Variants in RGS6 observed in about 807,000 individuals in gnomAD.
RGS6 encodes regulator of G protein signaling 6.
In RGS6, 30 loss-of-function variants were observed where a neutral mutation model predicts 78.5. The ratio of observed to expected loss-of-function variants is 0.38; its 90% CI spans 0.29 to 0.52. The LOEUF is 0.52. Ranked by LOEUF, RGS6 falls within the 20% of genes least tolerant of loss-of-function variation. The pLI is 0.85. For missense variants in RGS6, 495 were observed against 609.7 expected, an observed-to-expected ratio of 0.81 and a Z score of 1.98; for synonymous variants, 206 against 206.0, an observed-to-expected ratio of 1.00 and a Z score of 0.00.
intron 2 of RGS6, among the ~76,000 whole-genome samples, chr14:72,219,010 A>G (rs966670801): frequency 1.6e-4 from 25 of 151,870 alleles, no homozygotes; most frequent in African/African-American, 4.6e-4. Flanking sequence ...GACTTTCTCT[A>G]TCAGGCACTT....
At chr14:71,875,128 G>C in the RGS6 span, among the ~76,000 whole-genome samples, 3 of 152,140 alleles carry the variant, frequency 2.0e-5, no homozygotes. Context: ...CTCTCTACCA[G>C]GCTTTGGTAT....
chr14:71,967,549 A>T (rs893459587), intron 2 of RGS6, among the ~76,000 whole-genome samples: 1 of 152,212 alleles, frequency 6.6e-6, no homozygotes, highest in African/African-American at 2.4e-5. Context: ...CAATTATTCA[A>T]AGTCATAGCC....
chr14:72,327,756 G>A (rs372086526), intron 2 of RGS6, among the ~76,000 whole-genome samples: 5 of 152,182 alleles, frequency 3.3e-5, no homozygotes, highest in East Asian at 1.9e-4. Context: ...CTTAGCAGCC[G>A]TTTGTCACTG....
intron 2 of RGS6, among the ~76,000 whole-genome samples, chr14:72,057,059 A>T (rs2093650810): frequency 6.6e-6 from 1 of 152,154 alleles, no homozygotes; most frequent in African/African-American, 2.4e-5. Context: ...CCGACTTGTA[A>T]TCCAAGCACT....
intron 2 of RGS6, among the ~76,000 whole-genome samples, chr14:72,253,714 T>C (rs116148287): frequency 8.9e-4 from 135 of 152,220 alleles, no homozygotes; most frequent in African/African-American, 3.2e-3. Flanking sequence ...TTTAAAGAAG[T>C]GGTGTAAGTG....
chr14:72,455,396 A>T (rs2095605443), intron 4 of RGS6, among the ~76,000 whole-genome samples: 1 of 152,108 alleles, frequency 6.6e-6, no homozygotes, highest in Admixed American at 6.5e-5. Context: ...CTTTTTGAAG[A>T]TTTTTTTGAA....
rs1349751008 is a variant in RGS6 at position 72,395,330 on chromosome 14, G to A, written c.184+43136G>A. ...ATTATGTAGGCATATATATGTGTGTGTATATACATATATATGGATACATCC... is the reference window on the plus strand; with the variant it reads ...ATTATGTAGGCATATATATGTGTGTATATATACATATATATGGATACATCC... On this transcript the variant is annotated intron_variant, in intron 3 of 17. Transcript: ENST00000553525. Among the ~76,000 whole-genome samples, 7 of 152,182 alleles carry A rather than the reference G, an allele frequency of 4.6e-5. No individual in the cohort carries two copies. In the East Asian group the frequency reaches 1.4e-3, roughly 29 times the overall value.
At chr14:72,550,847 GT>G (rs571729398) in intron 17 of RGS6, among the ~76,000 whole-genome samples, 66 of 152,070 alleles carry the variant, frequency 4.3e-4, no homozygotes, top group Non-Finnish European at 7.1e-4. Flanking sequence ...TTTTGGGGGG[GT>G]GTTTTTTTTG....
the RGS6 span, among the ~76,000 whole-genome samples, chr14:72,615,615 C>T: frequency 1.3e-5 from 2 of 152,210 alleles, no homozygotes; most frequent in Admixed American, 1.3e-4. Flanking sequence ...CTTCCACCCA[C>T]CCACAGGCTC....
At chr14:71,999,528 G>T (rs1478245242) in intron 2 of RGS6, among the ~76,000 whole-genome samples, 1 of 152,184 alleles carries the variant, frequency 6.6e-6, no homozygotes, top group East Asian at 1.9e-4. Context: ...ATAGGGTTTG[G>T]CTCTGTGTTC....
At chr14:72,277,405 G>A (rs1449019556) in intron 2 of RGS6, among the ~76,000 whole-genome samples, 1 of 151,686 alleles carries the variant, frequency 6.6e-6, no homozygotes, top group Non-Finnish European at 1.5e-5. Flanking sequence ...AGACCATCCT[G>A]GCCAACATGG....
At position 72,476,819 on chromosome 14, in the gene RGS6, A is replaced by G. The variant is rs41304359; in HGVS notation, c.771A>G (p.Thr257=). The G allele has an allele frequency of 1.5e-3, 2,426 of 1,614,170 alleles. 7 individuals carry two copies. Among genetic ancestry groups the G allele is most frequent in the Middle Eastern group, 3.3e-3 (20 of 6,062 alleles). Residue 257 remains threonine (T), a synonymous_variant, in exon 11 of 18, where the codon ACA becomes ACG. Transcript: ENST00000553525. ...HVLSQPIRKT[T]KEDIRKQITF... ...TCAGCCAACCAATCAGGAAAACAACAAAAGAGGACATCCGGAAACAGGTGA... is the reference window on the plus strand; with the variant it reads ...TCAGCCAACCAATCAGGAAAACAACGAAAGAGGACATCCGGAAACAGGTGA...
the RGS6 span, among the ~76,000 whole-genome samples, chr14:72,624,697 T>C: frequency 6.6e-6 from 1 of 152,204 alleles, no homozygotes; most frequent in East Asian, 1.9e-4. Flanking sequence ...CATTTAATTG[T>C]TGTGTTTTCT....
chr14:72,188,994 A>G (rs1310150282), intron 2 of RGS6, among the ~76,000 whole-genome samples: 4 of 152,202 alleles, frequency 2.6e-5, no homozygotes, highest in Non-Finnish European at 4.4e-5. Context: ...AGGGATTACA[A>G]AAGAAGAGTA....
At position 72,102,241 on chromosome 14, in the gene RGS6, AAC is replaced by A. The variant is rs572712570; in HGVS notation, c.84+137370_84+137371del. Reference sequence around the variant, plus strand: ...GAAGTTGAAAAAGATTCTAATTCCTAACACAGTAGCTCCTGCTATTTTCCTAT... The same window carrying A: ...GAAGTTGAAAAAGATTCTAATTCCTAACAGTAGCTCCTGCTATTTTCCTAT... On this transcript the variant is annotated intron_variant, in intron 2 of 17. Coordinates refer to ENST00000553525, the MANE Select transcript of RGS6 (RefSeq NM_001204424.2). 1.1e-4 allele frequency among the ~76,000 whole-genome samples: 16 copies of A among 152,296 alleles called. No individual in the cohort carries two copies. In the South Asian group the frequency reaches 3.1e-3, roughly 30 times the overall value.
At chr14:71,882,066 A>G in the RGS6 span, among the ~76,000 whole-genome samples, 1 of 152,216 alleles carries the variant, frequency 6.6e-6, no homozygotes, top group Non-Finnish European at 1.5e-5. Flanking sequence ...CTTTTACGCC[A>G]TCCCAGACTG....
chr14:72,201,340 C>A (rs1303655899), intron 2 of RGS6, among the ~76,000 whole-genome samples: 1 of 152,152 alleles, frequency 6.6e-6, no homozygotes, highest in Non-Finnish European at 1.5e-5. Flanking sequence ...ATAGAATCTG[C>A]ACAGTGGCAG....
At chr14:72,382,891 C>A (rs949594449) in intron 3 of RGS6, among the ~76,000 whole-genome samples, 2 of 151,950 alleles carry the variant, frequency 1.3e-5, no homozygotes, top group Non-Finnish European at 2.9e-5. Flanking sequence ...GTGATTCATG[C>A]ATATTTGGTT....
At chr14:72,032,703 G>A (rs1306438249) in intron 2 of RGS6, among the ~76,000 whole-genome samples, 1 of 152,034 alleles carries the variant, frequency 6.6e-6, no homozygotes, top group Non-Finnish European at 1.5e-5. Context: ...GACTTATGCA[G>A]TATTTGTTTT....
Sources: allele counts gnomAD v4.1 joint callset (sites outside exome capture counted in the v4.1 genomes callset), GRCh38; gene constraint gnomAD v4.1.1; transcripts MANE v1.5; gene names NCBI Gene and HGNC (gene_info 2026-07-23, HGNC 2026-07-21).